Variants in HMGCLL1 observed in about 807,000 individuals in gnomAD.
The protein encoded by HMGCLL1 is 3-hydroxymethyl-3-methylglutaryl-CoA lyase, cytoplasmic.
A neutral mutation model predicts 39.1 loss-of-function variants in HMGCLL1; 36 were observed. The observed-to-expected ratio is 0.92, with a 90% CI of 0.71 to 1.22. HMGCLL1 has a LOEUF of 1.22. HMGCLL1 is among the 50% of genes most tolerant of loss of function. HMGCLL1 has a pLI of 0.00. For synonymous variants in HMGCLL1, 149 were observed against 144.0 expected, an observed-to-expected ratio of 1.03 and a Z score of -0.25; for missense variants, 451 against 416.5, an observed-to-expected ratio of 1.08 and a Z score of -0.72.
the HMGCLL1 span, among the ~76,000 whole-genome samples, chr6:55,631,596 T>C: frequency 6.6e-6 from 1 of 152,116 alleles, no homozygotes; most frequent in Non-Finnish European, 1.5e-5. Context: ...TTAAGCCTCG[T>C]GATCCTAAAC....
the HMGCLL1 span, among the ~76,000 whole-genome samples, chr6:55,600,441 A>C: frequency 6.6e-6 from 1 of 152,140 alleles, no homozygotes; most frequent in South Asian, 2.1e-4. Context: ...AATTATTCAG[A>C]TATTTCTCAT....
the HMGCLL1 span, among the ~76,000 whole-genome samples, chr6:55,642,387 G>GA: frequency 6.6e-6 from 1 of 151,742 alleles, no homozygotes; most frequent in Non-Finnish European, 1.5e-5. Flanking sequence ...AAAAGATATA[G>GA]CTCTTTTAAT....
intron 1 of HMGCLL1, among the ~76,000 whole-genome samples, chr6:55,550,568 G>A (rs1465587979): frequency 1.3e-5 from 2 of 151,894 alleles, no homozygotes. Context: ...CTGTTCCCAG[G>A]GAACCAGACC....
At chr6:55,444,557 G>A (rs1450534882) in intron 7 of HMGCLL1, among the ~76,000 whole-genome samples, 1 of 151,966 alleles carries the variant, frequency 6.6e-6, no homozygotes, top group African/African-American at 2.4e-5. Flanking sequence ...GTTAGAAGAT[G>A]TTATAACAGT....
At chr6:55,673,049 T>C in the HMGCLL1 span, among the ~76,000 whole-genome samples, 1 of 151,984 alleles carries the variant, frequency 6.6e-6, no homozygotes, top group African/African-American at 2.4e-5. Context: ...AGAAGTCCCT[T>C]AGCAGAGGCC....
At chr6:55,564,820 GAGA>G (rs1771134776) in intron 1 of HMGCLL1, among the ~76,000 whole-genome samples, 1 of 146,514 alleles carries the variant, frequency 6.8e-6, no homozygotes. Context: ...AGAACAAAAG[GAGA>G]AGGTCATGAA....
chr6:55,669,763 G>C, the HMGCLL1 span, among the ~76,000 whole-genome samples: 3 of 151,806 alleles, frequency 2.0e-5, no homozygotes, highest in African/African-American at 7.3e-5. Context: ...ACAGAGGAAA[G>C]AGCCAAAACA....
At chr6:55,513,807 A>G in intron 5 of HMGCLL1, 1 of 500,350 alleles carries the variant, frequency 2.0e-6, no homozygotes, top group Non-Finnish European at 3.4e-6. Flanking sequence ...ATAATGCCAG[A>G]TTTGCATGCT....
chr6:55,458,422 T>TA (rs1469260911), intron 7 of HMGCLL1, among the ~76,000 whole-genome samples: 1 of 152,202 alleles, frequency 6.6e-6, no homozygotes, highest in Non-Finnish European at 1.5e-5. Flanking sequence ...GGTGGGTTAA[T>TA]AAAAATCACT....
intron 1 of HMGCLL1, among the ~76,000 whole-genome samples, chr6:55,546,795 C>T (rs1770002864): frequency 2.6e-5 from 4 of 152,066 alleles, no homozygotes; most frequent in Admixed American, 6.6e-5. Context: ...TAATGTCCTA[C>T]ATTACAGAGC....
the HMGCLL1 span, among the ~76,000 whole-genome samples, chr6:55,653,859 A>T: frequency 6.6e-6 from 1 of 151,896 alleles, no homozygotes. Context: ...CATCTAAGTA[A>T]AGAGAAGACC....
At chr6:55,654,322 ATATTATATAAATATG>A in the HMGCLL1 span, among the ~76,000 whole-genome samples, 6 of 150,654 alleles carry the variant, frequency 4.0e-5, no homozygotes, top group African/African-American at 1.5e-4. Flanking sequence ...TAAAAATTAT[ATATTATATAAATATG>A]TATTATATAA....
chr6:55,586,664 G>A, the HMGCLL1 span, among the ~76,000 whole-genome samples: 4 of 151,444 alleles, frequency 2.6e-5, no homozygotes, highest in Non-Finnish European at 5.9e-5. Context: ...TTGTCCTTGC[G>A]ATAGTTTGCT....
the HMGCLL1 span, among the ~76,000 whole-genome samples, chr6:55,656,354 C>T: frequency 2.6e-5 from 4 of 151,908 alleles, no homozygotes; most frequent in African/African-American, 9.7e-5. Flanking sequence ...TGTGAGAAGA[C>T]AAAGTGTTCA....
chr6:55,614,523 A>G, the HMGCLL1 span, among the ~76,000 whole-genome samples: 1 of 152,164 alleles, frequency 6.6e-6, no homozygotes, highest in South Asian at 2.1e-4. Context: ...CAAGCTAAGA[A>G]CACCGAAATT....
chr6:55,512,496 T>A (rs1008242148), intron 5 of HMGCLL1: 2 of 152,116 alleles, frequency 1.3e-5, no homozygotes, highest in Non-Finnish European at 2.9e-5. Flanking sequence ...CCTTGGATTT[T>A]AAATTTTTCT....
At chr6:55,578,461 A>G (rs1284730903) in intron 1 of HMGCLL1, among the ~76,000 whole-genome samples, 3 of 152,178 alleles carry the variant, frequency 2.0e-5, no homozygotes, top group Non-Finnish European at 4.4e-5. Flanking sequence ...GCACAAATAC[A>G]TTTGGGATAA....
intron 7 of HMGCLL1, among the ~76,000 whole-genome samples, chr6:55,467,345 A>G (rs1271304568): frequency 1.3e-5 from 2 of 152,076 alleles, no homozygotes; most frequent in African/African-American, 2.4e-5. Flanking sequence ...AAATGTTTAA[A>G]CCAAATGTCA....
At chr6:55,611,486 C>A in the HMGCLL1 span, among the ~76,000 whole-genome samples, 1 of 152,110 alleles carries the variant, frequency 6.6e-6, no homozygotes, top group Admixed American at 6.5e-5. Context: ...TATCCTGATA[C>A]CAAAACCTGA....
Sources: allele counts gnomAD v4.1 joint callset (sites outside exome capture counted in the v4.1 genomes callset), GRCh38; gene constraint gnomAD v4.1.1; transcripts MANE v1.5; gene names NCBI Gene and HGNC (gene_info 2026-07-23, HGNC 2026-07-21).